DYSF: variants seen among roughly 807,000 people sequenced by gnomAD.
DYSF encodes the protein dystrophy-associated fer-1-like 1.
Under a neutral mutation model 274.9 loss-of-function variants are expected in DYSF, and 212 were observed. That is an observed-to-expected ratio of 0.77 (90% CI 0.69 to 0.86). The LOEUF is 0.86. DYSF is among the 40% of genes least tolerant of loss of function. DYSF has a pLI of 0.00. For synonymous variants in DYSF, 1,091 were observed against 1,078.7 expected, an observed-to-expected ratio of 1.01 and a Z score of -0.22; for missense variants, 2,666 against 2,783.2, an observed-to-expected ratio of 0.96 and a Z score of 0.95.
intron 36 of DYSF, among the ~76,000 whole-genome samples, chr2:71,606,382 T>G (rs895172541): frequency 6.6e-6 from 1 of 152,124 alleles, no homozygotes; most frequent in Non-Finnish European, 1.5e-5. Flanking sequence ...TTCCTCTGAT[T>G]AGGCTTATCA....
chr2:71,587,599 C>T (rs907641365), intron 30 of DYSF, among the ~76,000 whole-genome samples: 4 of 152,320 alleles, frequency 2.6e-5, no homozygotes, highest in East Asian at 3.9e-4. Context: ...ACTACATCTT[C>T]TGTATCTTCT....
chr2:71,454,044 G>A (rs140603487), exon 1 of DYSF: 18 of 1,614,148 alleles, frequency 1.1e-5, no homozygotes, highest in Non-Finnish European at 1.5e-5. Context: ...CCACACACCC[G>A]ACACCGACAT....
chr2:71,577,257 C>T, intron 30 of DYSF: 1 of 154,416 alleles, frequency 6.5e-6, no homozygotes, highest in Non-Finnish European at 1.4e-5. Context: ...CTCATACACA[C>T]CAACACACAC....
chr2:71,532,586 G>A (rs1028545012), intron 14 of DYSF, among the ~76,000 whole-genome samples: 2 of 152,110 alleles, frequency 1.3e-5, no homozygotes, highest in African/African-American at 4.8e-5. Flanking sequence ...TGCTGTTCAA[G>A]CCCCCAGACC....
chr2:71,548,738 C>T (rs1287141051), intron 17 of DYSF, among the ~76,000 whole-genome samples: 1 of 152,168 alleles, frequency 6.6e-6, no homozygotes, highest in African/African-American at 2.4e-5. Flanking sequence ...TCCCTGGAAG[C>T]GGCCTGTGTC....
chr2:71,631,071 C>T (rs1376965519), intron 41 of DYSF, among the ~76,000 whole-genome samples: 1 of 152,164 alleles, frequency 6.6e-6, no homozygotes, highest in African/African-American at 2.4e-5. Context: ...TGTGGGATGC[C>T]TTATTGCAGC....
At chr2:71,655,269 T>C (rs1476218730) in intron 42 of DYSF, among the ~76,000 whole-genome samples, 1 of 152,188 alleles carries the variant, frequency 6.6e-6, no homozygotes, top group Non-Finnish European at 1.5e-5. Flanking sequence ...TTTAAAAATA[T>C]TTGCTTATAT....
intron 42 of DYSF, among the ~76,000 whole-genome samples, chr2:71,651,036 G>A (rs2094648627): frequency 6.6e-6 from 1 of 152,132 alleles, no homozygotes; most frequent in South Asian, 2.1e-4. Context: ...ATGAGGCAAT[G>A]CCAAGACATT....
chr2:71,469,396 C>T (rs986858041), intron 1 of DYSF, among the ~76,000 whole-genome samples: 3 of 152,110 alleles, frequency 2.0e-5, no homozygotes, highest in Admixed American at 6.5e-5. Context: ...TCCGGTGGGG[C>T]CCCAGGCATA....
At chr2:71,647,094 G>A (rs975933079) in intron 42 of DYSF, among the ~76,000 whole-genome samples, 1 of 152,180 alleles carries the variant, frequency 6.6e-6, no homozygotes, top group Middle Eastern at 3.4e-3. Context: ...TCTCACACTT[G>A]ATAAAAGCAC....
At position 71,668,612 on chromosome 2, in the gene DYSF, C is replaced by A. The variant is rs145321305; in HGVS notation, c.5458-142C>A. On this transcript the variant is annotated intron_variant, in intron 48 of 55. Transcript: ENST00000410020. Reference sequence around the variant, plus strand: ...TCACCTCTGCGGTTGACCCTGTAGTCCCCTGTTTAGGGCAGTGAGGCTTTC... The same window carrying A: ...TCACCTCTGCGGTTGACCCTGTAGTACCCTGTTTAGGGCAGTGAGGCTTTC... The A allele has an allele frequency of 4.8e-4, 367 of 760,058 alleles. No individual in the cohort carries two copies. The African/African-American group carries it at 5.7e-3, about 12-fold the overall frequency. The allele number at this position is 760,058 out of a possible 1,614,324, so 47.1% of individuals were successfully genotyped here.
intron 21 of DYSF, among the ~76,000 whole-genome samples, chr2:71,554,916 G>A (rs985458599): frequency 2.0e-5 from 3 of 152,200 alleles, no homozygotes; most frequent in Non-Finnish European, 4.4e-5. Flanking sequence ...GGCAGTGGCT[G>A]TAGGGGTTTC....
chr2:71,574,248 T>C lies in DYSF; in HGVS notation c.3279T>C (p.Phe1093=). 4 of 1,614,056 alleles carry C rather than the reference T, an allele frequency of 2.5e-6. No homozygotes were observed. The highest frequency in any genetic ancestry group is 1.7e-6 in the Non-Finnish European group (2 of 1,180,030). Residue 1093 remains phenylalanine (F), a synonymous_variant, in exon 30 of 56, where the codon TTT becomes TTC. Coordinates refer to ENST00000410020, the MANE Select transcript of DYSF (RefSeq NM_001130987.2). ...AGGGCTGGGAGTACGCCTCTCTTTT[T>C]GGCTGGAAGTTCCACCTCGAGTACC... ...EGEGWEYASL[F]GWKFHLEYRK...
chr2:71,520,849 C>T lies in DYSF; in HGVS notation c.1094C>T (p.Ala365Val). ...GACCCTGATGACTTCTCTGCTGGGG[C>T]CAGAGGCTACCTGAAAACAAGCCTT... ...LSDPDDFSAG[A>V]RGYLKTSLCV... The change falls in exon 12 of 56, where the codon GCC (alanine) becomes GTC (valine). Residue 365 changes from alanine to valine, a missense_variant. Ala to Val is a moderately conservative substitution (Grantham distance 64, BLOSUM62 0). This residue lies in a region of DYSF where 794 missense variants were observed against 777.1 expected (regional missense o/e 1.02). Transcript: ENST00000410020. 1 of 1,614,072 alleles carries T rather than the reference C, an allele frequency of 6.2e-7. No homozygotes were observed. The highest frequency in any genetic ancestry group is 1.1e-5 in the South Asian group (1 of 91,082).
At position 71,620,555 on chromosome 2, in the gene DYSF, CG is replaced by C. The variant is rs762463417; in HGVS notation, c.4475del (p.Gly1492ValfsTer33). On this transcript the variant is annotated frameshift_variant, in exon 41 of 56. Transcript: ENST00000410020. LOFTEE classifies it high-confidence loss of function. ...GCATGTTTCATTTGTAGCTTGCAGA[CG>C]GTCTGTCGAGCTTGGCCCCCACTAA... ...EPLIPIQLAD[G>X]LSSLAPTNTA... The C allele has an allele frequency of 6.4e-7, 1 of 1,551,542 alleles. No individual in the cohort carries two copies. The highest frequency in any genetic ancestry group is 2.4e-5 in the East Asian group (1 of 40,916).
At chr2:71,560,596 C>T (rs937108203) in intron 22 of DYSF, among the ~76,000 whole-genome samples, 46 of 152,186 alleles carry the variant, frequency 3.0e-4, no homozygotes, top group Admixed American at 2.6e-3. Flanking sequence ...CTGCTCCCCC[C>T]ATCCTAAAAA....
Position 71,551,715 on chromosome 2 carries a change from G to T in DYSF, c.1801G>T (p.Val601Leu), listed in dbSNP as rs1200077320. The T allele has an allele frequency of 6.2e-7, 1 of 1,604,080 alleles. No homozygotes were observed. The highest frequency in any genetic ancestry group is 8.5e-7 in the Non-Finnish European group (1 of 1,177,062). ...EDLPADDILR[V>L]EKYLRRRKYS... ...CCTTCCTGCGGATGACATCCTCCGG[G>T]TGGAGGTGAGGGGTGTGGCTCTGGG... The change falls in exon 19 of 56, where the codon GTG becomes TTG. Residue 601 changes from valine (V) to leucine (L), a missense_variant. Around this residue, in one of 3 missense-constraint regions of DYSF, gnomAD observed 794 missense variants for 777.1 expected, o/e 1.02. Coordinates refer to ENST00000410020, the MANE Select transcript of DYSF (RefSeq NM_001130987.2).
chr2:71,567,758 G>A (rs971044697), intron 24 of DYSF, among the ~76,000 whole-genome samples, 193 bp from the exon 25 acceptor site: 1 of 152,116 alleles, frequency 6.6e-6, no homozygotes, highest in Non-Finnish European at 1.5e-5. Flanking sequence ...GAGGGGTAGG[G>A]GGTGGGGTGG....
At chr2:71,526,857 T>G (rs1298931352) in intron 13 of DYSF, among the ~76,000 whole-genome samples, 1 of 152,246 alleles carries the variant, frequency 6.6e-6, no homozygotes, top group Non-Finnish European at 1.5e-5. Flanking sequence ...TGTCCTGGTT[T>G]TAGCACTGAA....
Sources: gnomAD v4.1 joint callset for allele counts (sites outside exome capture counted in the v4.1 genomes callset) on GRCh38, gnomAD v4.1.1 for gene constraint, gnomAD v4.1.1 regional missense constraint, MANE v1.5 for transcripts, NCBI Gene and HGNC (gene_info 2026-07-23, HGNC 2026-07-21) for gene names.